Variants in BNC2 observed in about 807,000 individuals in gnomAD.
The protein encoded by BNC2 is basonuclin zinc finger protein 2, also known as zinc finger protein basonuclin-2.
A neutral mutation model predicts 76.3 loss-of-function variants in BNC2; 20 were observed. The observed-to-expected ratio is 0.26, with a 90% confidence interval of 0.18 to 0.38. The LOEUF (loss-of-function observed/expected upper bound fraction) is 0.38, where lower values mean the gene tolerates loss of function less well. Among genes scored for constraint, BNC2 ranks in the 10% least tolerant of loss-of-function variants. BNC2 has a pLI of 1.00. For synonymous variants in BNC2, 582 were observed against 514.8 expected (o/e 1.13, Z -1.77); for missense variants, 1,382 against 1,399.8 (o/e 0.99, Z 0.20).
chr9:16,481,868 A>G (rs1188122069), intron 5 of BNC2, among the ~76,000 whole-genome samples: 1 of 152,228 alleles, frequency 6.6e-6, no homozygotes, highest in African/African-American at 2.4e-5. Flanking sequence ...GTGATCTTAG[A>G]CAAGATAATT....
intron 1 of BNC2, among the ~76,000 whole-genome samples, chr9:16,777,562 A>G (rs948980282): frequency 2.0e-5 from 3 of 151,926 alleles, no homozygotes; most frequent in Non-Finnish European, 2.9e-5. Context: ...TTAACCAGGC[A>G]TGGTGGCGGG....
intron 3 of BNC2, among the ~76,000 whole-genome samples, chr9:16,704,526 G>C (rs1823603577): frequency 6.9e-6 from 1 of 145,942 alleles, no homozygotes; most frequent in African/African-American, 2.5e-5. Context: ...GGCTGCAATT[G>C]AATTAGCATG....
intron 3 of BNC2, among the ~76,000 whole-genome samples, chr9:16,701,298 A>G (rs181986538): frequency 7.2e-5 from 11 of 152,316 alleles, no homozygotes; most frequent in Admixed American, 7.2e-4. Context: ...GCTAGCTTAA[A>G]TGATATATGA....
At chr9:16,422,721 A>G (rs1475380918) in intron 6 of BNC2, among the ~76,000 whole-genome samples, 1 of 152,236 alleles carries the variant, frequency 6.6e-6, no homozygotes, top group African/African-American at 2.4e-5. Flanking sequence ...AAGCACGAGA[A>G]GGAAAGCAGA....
At chr9:16,428,436 C>A (rs1378777983) in intron 6 of BNC2, among the ~76,000 whole-genome samples, 2 of 152,208 alleles carry the variant, frequency 1.3e-5, no homozygotes, top group Non-Finnish European at 2.9e-5. Flanking sequence ...AAAGTTACTT[C>A]ATACATCACT....
intron 5 of BNC2, among the ~76,000 whole-genome samples, chr9:16,549,991 T>C (rs1587158368): frequency 6.6e-6 from 1 of 151,918 alleles, no homozygotes; most frequent in Non-Finnish European, 1.5e-5. Context: ...TCAAAATCTA[T>C]ATTAAAATAA....
At chr9:16,659,379 G>GCT (rs1822033861) in intron 3 of BNC2, among the ~76,000 whole-genome samples, 1 of 152,060 alleles carries the variant, frequency 6.6e-6, no homozygotes, top group Non-Finnish European at 1.5e-5. Flanking sequence ...GGGGGCCGAG[G>GCT]TGGGCAGATC....
intron 3 of BNC2, among the ~76,000 whole-genome samples, chr9:16,712,889 C>G (rs905675153): frequency 6.6e-6 from 1 of 152,138 alleles, no homozygotes; most frequent in South Asian, 2.1e-4. Flanking sequence ...CTGACTAGTC[C>G]GTCAAATTCC....
chr9:16,697,174 T>C (rs1823363018), intron 3 of BNC2, among the ~76,000 whole-genome samples: 1 of 150,064 alleles, frequency 6.7e-6, no homozygotes, highest in Admixed American at 6.6e-5. Flanking sequence ...GCCTAGCTAA[T>C]ATGGTGAAAC....
At chr9:16,597,627 T>A (rs1270516617) in intron 3 of BNC2, among the ~76,000 whole-genome samples, 1 of 152,254 alleles carries the variant, frequency 6.6e-6, no homozygotes, top group South Asian at 2.1e-4. Context: ...TGTTATTTCA[T>A]GGAAAAGTGT....
intron 5 of BNC2, among the ~76,000 whole-genome samples, chr9:16,457,865 T>C (rs1272592364): frequency 6.6e-6 from 1 of 152,112 alleles, no homozygotes; most frequent in Non-Finnish European, 1.5e-5. Context: ...TAACCCTTTT[T>C]TCCACACCTT....
intron 3 of BNC2, among the ~76,000 whole-genome samples, chr9:16,585,018 A>G (rs1479581661): frequency 1.3e-5 from 2 of 152,148 alleles, no homozygotes; most frequent in Non-Finnish European, 2.9e-5. Flanking sequence ...CAATAAAATG[A>G]GATGGTATTT....
At chr9:16,786,705 C>A (rs960204851) in intron 1 of BNC2, among the ~76,000 whole-genome samples, 1 of 152,076 alleles carries the variant, frequency 6.6e-6, no homozygotes, top group Middle Eastern at 3.2e-3. Flanking sequence ...GGCCCTGCCC[C>A]AAATGTGGGG....
At chr9:16,512,491 C>A (rs1281890555) in intron 5 of BNC2, among the ~76,000 whole-genome samples, 2 of 152,062 alleles carry the variant, frequency 1.3e-5, no homozygotes, top group Non-Finnish European at 2.9e-5. Context: ...CGCGCACACA[C>A]ACACACACAC....
intron 1 of BNC2, among the ~76,000 whole-genome samples, chr9:16,857,035 CT>C (rs1819276057): frequency 6.6e-6 from 1 of 152,084 alleles, no homozygotes; most frequent in African/African-American, 2.4e-5. Flanking sequence ...AAACATACAT[CT>C]AAACACATGT....
At chr9:16,711,327 T>C (rs1001340106) in intron 3 of BNC2, among the ~76,000 whole-genome samples, 1 of 152,166 alleles carries the variant, frequency 6.6e-6, no homozygotes, top group African/African-American at 2.4e-5. Flanking sequence ...GTGGTTGATT[T>C]GGGTTGTATT....
At position 16,738,474 on chromosome 9, in the gene BNC2, C is replaced by T. The variant is rs757746511; in HGVS notation, c.15G>A (p.Gly5=). The T allele has an allele frequency of 4.5e-5, 72 of 1,613,950 alleles. No individual in the cohort carries two copies. Among genetic ancestry groups the T allele is most frequent in the Non-Finnish European group, 5.9e-5 (70 of 1,179,964 alleles). Residue 5 remains glycine, a synonymous_variant, in exon 2 of 7, where the codon GGG becomes GGA. Transcript: ENST00000380672. ...TAAGGCTATGTGGAGGTGGGGTGGG[C>T]CCAAGGTGTGCCTATTGAGAGATTG... MAHL[G]PTPPPHSLNY...
chr9:16,825,828 T>C (rs1190237398), intron 1 of BNC2, among the ~76,000 whole-genome samples: 3 of 152,262 alleles, frequency 2.0e-5, no homozygotes, highest in East Asian at 1.9e-4. Context: ...ATTGTGAAAA[T>C]AGTTCAACCA....
At chr9:16,751,605 A>AATATAT (rs200968001) in intron 1 of BNC2, among the ~76,000 whole-genome samples, 1 of 23,138 alleles carries the variant, frequency 4.3e-5, no homozygotes, top group South Asian at 1.4e-3. Flanking sequence ...CCCCAGCACA[A>AATATAT]ATATATATAT....
Sources: gnomAD v4.1 joint callset for allele counts (sites outside exome capture counted in the v4.1 genomes callset) on GRCh38, gnomAD v4.1.1 for gene constraint, MANE v1.5 for transcripts, NCBI Gene and HGNC (gene_info 2026-07-23, HGNC 2026-07-21) for gene names.